The following MS4A7 variants were observed in gnomAD, a reference collection of about 807,000 sequenced individuals.
MS4A7 encodes membrane spanning 4-domains A7.
In MS4A7, 21 loss-of-function variants were observed where a neutral mutation model predicts 23.5. The ratio of observed to expected loss-of-function variants is 0.89; its 90% CI spans 0.63 to 1.29. MS4A7 has a LOEUF of 1.29. MS4A7 is among the 50% of genes most tolerant of loss of function. The pLI, the probability that MS4A7 is intolerant of heterozygous loss-of-function variation, is 0.00. For missense variants in MS4A7, 263 were observed against 274.2 expected (o/e 0.96, Z 0.29); for synonymous variants, 111 against 107.4 (o/e 1.03, Z -0.21).
At chr11:60,387,399 CTA>C (rs771970529) in intron 4 of MS4A7, among the ~76,000 whole-genome samples, 2 of 152,176 alleles carry the variant, frequency 1.3e-5, no homozygotes, top group Non-Finnish European at 2.9e-5. Flanking sequence ...TTTCAAAGTT[CTA>C]CTATTTAAGC....
intron 1 of MS4A7, among the ~76,000 whole-genome samples, chr11:60,381,828 G>A (rs917338569): frequency 1.3e-5 from 2 of 152,146 alleles, no homozygotes; most frequent in African/African-American, 2.4e-5. Context: ...CTGAACACAC[G>A]ACTGGACTCC....
chr11:60,391,666 TCC>T (rs1279617930), intron 5 of MS4A7, among the ~76,000 whole-genome samples: 1 of 152,032 alleles, frequency 6.6e-6, no homozygotes, highest in East Asian at 1.9e-4. Context: ...CAACTGTAAT[TCC>T]AGCACATTGG....
chr11:60,383,122 C>T lies in MS4A7; in HGVS notation c.-13-7C>T. 1 of 1,611,126 alleles carries T rather than the reference C, an allele frequency of 6.2e-7. No homozygotes were observed. Reference sequence around the variant, plus strand: ...GGGAAGTAACTGAGTTTTGATGCCTCTTCCAGCATCATCAGCATCATGCTA... The same window carrying T: ...GGGAAGTAACTGAGTTTTGATGCCTTTTCCAGCATCATCAGCATCATGCTA... On this transcript the variant is annotated splice_region_variant and splice_polypyrimidine_tract_variant and intron_variant, in intron 1 of 6. Transcript: ENST00000300184.
intron 4 of MS4A7, 54 bp from the exon 5 acceptor site, chr11:60,389,336 T>C (rs2085523849): frequency 6.9e-7 from 1 of 1,440,068 alleles, no homozygotes; most frequent in Non-Finnish European, 9.6e-7. Context: ...AGAGGACTAA[T>C]AGTGTCACGT....
At position 60,394,160 on chromosome 11, in the gene MS4A7, A is replaced by G. The variant is rs1383245702; in HGVS notation, c.*299A>G. 3.9e-5 allele frequency: 9 copies of G among 230,666 alleles called. No individual in the cohort carries two copies. Among genetic ancestry groups the G allele is most frequent in the Admixed American group, 1.7e-4 (3 of 17,878 alleles). 14.3% of individuals were successfully genotyped at this position (230,666 alleles called of 1,614,324 possible). ...AGAAGGGAAAATGTGCACTCATGCT[A>G]GTGTGAATTTGGTAAGTTGCGTGAC... On this transcript the variant is annotated 3_prime_UTR_variant, in exon 7 of 7. Transcript: ENST00000300184.
intron 5 of MS4A7, chr11:60,389,832 C>G (rs1045879702): frequency 3.9e-6 from 2 of 511,814 alleles, no homozygotes; most frequent in Non-Finnish European, 7.1e-6. Context: ...TATCCCTCCA[C>G]TGGTCTTTCT....
At chr11:60,387,823 A>C (rs1565167284) in intron 4 of MS4A7, among the ~76,000 whole-genome samples, 1 of 152,200 alleles carries the variant, frequency 6.6e-6, no homozygotes, top group Non-Finnish European at 1.5e-5. Context: ...ACAAAAGCAA[A>C]CTGAAGAAGT....
rs138971039 is a variant in MS4A7 at position 60,380,430 on chromosome 11, T to C, written c.-14+1766T>C. Among the ~76,000 whole-genome samples, 524 of 152,342 alleles carry C rather than the reference T, an allele frequency of 3.4e-3. 1 individual carries two copies. Among genetic ancestry groups the C allele is most frequent in the African/African-American group, 0.011 (476 of 41,572 alleles). Reference sequence around the variant, plus strand: ...TTCTTCAAACTGTATTCCCTTGTAATGGTGGTACTTTATGCACTCTTTCAA... The same window carrying C: ...TTCTTCAAACTGTATTCCCTTGTAACGGTGGTACTTTATGCACTCTTTCAA... On this transcript the variant is annotated intron_variant, in intron 1 of 6. Transcript: ENST00000300184.
chr11:60,386,760 C>T lies in MS4A7; in HGVS notation c.326C>T (p.Ser109Leu), dbSNP rs1164647216. 6.2e-7 allele frequency: 1 copy of T among 1,612,206 alleles called. No homozygotes were observed. Among genetic ancestry groups the T allele is most frequent in the Non-Finnish European group, 8.5e-7 (1 of 1,178,428 alleles). ...CTCTCAATTATCTCTGGAAAACAAT[C>T]AACTAAGCCCTTTGTAAGTATAAGG... ...GSLSIISGKQ[S>L]TKPFDLSSLT... The change falls in exon 4 of 7, where the codon TCA (serine) becomes TTA (leucine). Residue 109 changes from serine to leucine, a missense_variant. Coordinates refer to ENST00000300184, the MANE Select transcript of MS4A7 (RefSeq NM_021201.5).
rs763699595 is a variant in MS4A7, at chr11:60,386,786, A to G, written c.339+13A>G. The G allele has an allele frequency of 6.3e-7, 1 of 1,597,536 alleles. No homozygotes were observed. Among genetic ancestry groups the G allele is most frequent in the South Asian group, 1.1e-5 (1 of 89,400 alleles). The stretch of plus-strand genomic sequence containing the variant: ...AACTAAGCCCTTTGTAAGTATAAGG[A>G]CCATCAAATCTCAGCTGGTTGGAAT... On this transcript the variant is annotated intron_variant, in intron 4 of 6. Transcript: ENST00000300184.
chr11:60,383,053 CA>C, intron 1 of MS4A7, 75 bp from the exon 2 acceptor site: 1 of 1,489,514 alleles, frequency 6.7e-7, no homozygotes, highest in Non-Finnish European at 9.1e-7. Context: ...TAAGTTCCTA[CA>C]AAGTATGGTC....
At position 60,395,046 on chromosome 11, in the gene MS4A7, GA is replaced by G; in HGVS notation, c.*1189del. 1.7e-6 allele frequency: 1 copy of G among 586,260 alleles called. No homozygotes were observed. The allele number at this position is 586,260 out of a possible 1,614,324, so 36.3% of individuals were successfully genotyped here. A position where few individuals can be genotyped will look rare whatever the true frequency, so the allele number is the denominator to read the frequency against. On this transcript the variant is annotated 3_prime_UTR_variant, in exon 7 of 7. Transcript: ENST00000300184. ...CTTGGAGCTAAATGCTGCTCATGCTGAAAAGAATAATGTCTATTTCTTTGTT... is the reference window on the plus strand; with the variant it reads ...CTTGGAGCTAAATGCTGCTCATGCTGAAAGAATAATGTCTATTTCTTTGTT...
chr11:60,383,146 T>C lies in MS4A7; in HGVS notation c.5T>C (p.Leu2Pro), dbSNP rs777632822. The change falls in exon 2 of 7, where the codon CTA becomes CCA. Residue 2 changes from leucine to proline, a missense_variant. Transcript: ENST00000300184. M[L>P]LQSQTMGVSH... The stretch of plus-strand genomic sequence containing the variant: ...TCTTCCAGCATCATCAGCATCATGC[T>C]ATTACAATCCCAAACCATGGGGGTT... The C allele has an allele frequency of 1.9e-6, 3 of 1,613,750 alleles. No homozygotes were observed. Among genetic ancestry groups the C allele is most frequent in the Non-Finnish European group, 2.5e-6 (3 of 1,179,834 alleles).
chr11:60,391,917 TA>T (rs34933885), intron 5 of MS4A7, among the ~76,000 whole-genome samples: 76,706 of 118,914 alleles, frequency 0.65, 21,923 homozygotes, highest in Middle Eastern at 0.8. Flanking sequence ...AGACCCTGTC[TA>T]AAAAAAAAAA....
intron 4 of MS4A7, among the ~76,000 whole-genome samples, chr11:60,388,348 C>G (rs1284269181): frequency 6.6e-6 from 1 of 152,202 alleles, no homozygotes; most frequent in East Asian, 1.9e-4. Flanking sequence ...TGCTCAAGCA[C>G]ACAGATGGAT....
intron 6 of MS4A7, 29 bp downstream of exon 6, chr11:60,392,815 C>T: frequency 1.4e-6 from 2 of 1,463,458 alleles, no homozygotes; most frequent in Admixed American, 1.7e-5. Flanking sequence ...CGCCTGATAC[C>T]TGCTGTGTCT....
chr11:60,393,795 T>G lies in MS4A7; in HGVS notation c.657T>G (p.Phe219Leu), dbSNP rs199821053. 2.1e-5 allele frequency: 33 copies of G among 1,608,926 alleles called. No individual in the cohort carries two copies. The highest frequency in any genetic ancestry group is 1.6e-4 in the Middle Eastern group (1 of 6,064). ...AATTATGTATTTTCTAGAGTTCATT[T>G]TCCTCGACCCAGTCACAAGATCATA... ...QLYSNNPGSS[F>L]SSTQSQDHIQ... The change falls in exon 7 of 7, where the codon TTT becomes TTG. Residue 219 changes from phenylalanine (F) to leucine (L), a missense_variant. Coordinates refer to ENST00000300184, the MANE Select transcript of MS4A7 (RefSeq NM_021201.5).
chr11:60,393,877 A>G lies in MS4A7; in HGVS notation c.*16A>G. 1.3e-6 allele frequency: 2 copies of G among 1,578,602 alleles called. No homozygotes were observed. The highest frequency in any genetic ancestry group is 1.7e-6 in the Non-Finnish European group (2 of 1,160,338). ...TTGGATATAAGTAACTCTTGGCCTC[A>G]GAGGAAGGAAAAGCAACTCAACACT... On this transcript the variant is annotated 3_prime_UTR_variant, in exon 7 of 7. Transcript: ENST00000300184.
intron 4 of MS4A7, among the ~76,000 whole-genome samples, chr11:60,387,549 T>C (rs1006063400): frequency 1.3e-5 from 2 of 151,934 alleles, no homozygotes; most frequent in Non-Finnish European, 2.9e-5. Context: ...ATTGGATGTT[T>C]GAGAAAAAAA....
Sources: allele counts gnomAD v4.1 joint callset (sites outside exome capture counted in the v4.1 genomes callset), GRCh38; gene constraint gnomAD v4.1.1; transcripts MANE v1.5; gene names NCBI Gene and HGNC (gene_info 2026-07-23, HGNC 2026-07-21).